STAG1: variants seen among roughly 807,000 people sequenced by gnomAD.
STAG1 encodes the protein STAG1 cohesin complex component.
STAG1 carries 26 observed loss-of-function variants against 170.9 expected under a neutral mutation model. The observed-to-expected ratio is 0.15, with a 90% CI of 0.11 to 0.21. STAG1 has a LOEUF of 0.21. STAG1 is among the 10% of genes least tolerant of loss of function. The pLI, the probability that STAG1 is intolerant of heterozygous loss-of-function variation, is 1.00. For synonymous variants in STAG1, 514 were observed against 497.7 expected, an observed-to-expected ratio of 1.03 and a Z score of -0.44; for missense variants, 964 against 1,509.5, an observed-to-expected ratio of 0.64 and a Z score of 5.99.
At chr3:136,628,827 GATA>G (rs1018766212) in intron 2 of STAG1, among the ~76,000 whole-genome samples, 24 of 152,292 alleles carry the variant, frequency 1.6e-4, no homozygotes, top group Non-Finnish European at 2.8e-4. Flanking sequence ...TGTAGTAAAT[GATA>G]ATGTTTTGAC....
At chr3:136,497,839 A>G (rs1387406940) in intron 9 of STAG1, among the ~76,000 whole-genome samples, 3 of 143,438 alleles carry the variant, frequency 2.1e-5, no homozygotes, top group African/African-American at 7.8e-5. Flanking sequence ...TGGGCAACAG[A>G]GCGAGACTCA....
chr3:136,425,343 T>C (rs1374902455), intron 16 of STAG1, among the ~76,000 whole-genome samples: 1 of 152,116 alleles, frequency 6.6e-6, no homozygotes, highest in Non-Finnish European at 1.5e-5. Flanking sequence ...GTATCTTTGG[T>C]AAAAGATTGG....
intron 22 of STAG1, among the ~76,000 whole-genome samples, chr3:136,385,245 T>A (rs2086840811): frequency 6.6e-6 from 1 of 152,008 alleles, no homozygotes; most frequent in African/African-American, 2.4e-5. Flanking sequence ...GGCCAGGAGA[T>A]CAAGATCAGC....
In STAG1 at chr3:136,422,299, C is replaced by A; in HGVS notation, c.2037+111G>T. The A allele has an allele frequency of 3.0e-6, 3 of 991,750 alleles. No individual in the cohort carries two copies. The South Asian group carries it at 5.0e-5, about 17-fold the overall frequency. 61.4% of individuals were successfully genotyped at this position (991,750 alleles called of 1,614,324 possible). A position where few individuals can be genotyped will look rare whatever the true frequency, so the allele number is the denominator to read the frequency against. On this transcript the variant is annotated intron_variant, in intron 19 of 33. Coordinates refer to ENST00000383202, the MANE Select transcript of STAG1 (RefSeq NM_005862.3). ...TAAGGTTGCTAAGTTTTGGAAGGGGCAGACAATTCTACTCAATTTCATTTT... is the reference window on the plus strand; with the variant it reads ...TAAGGTTGCTAAGTTTTGGAAGGGGAAGACAATTCTACTCAATTTCATTTT...
chr3:136,492,216 C>T (rs1004993595), intron 9 of STAG1, among the ~76,000 whole-genome samples: 2 of 152,142 alleles, frequency 1.3e-5, no homozygotes, highest in African/African-American at 4.8e-5. Context: ...CCAAGTAGGT[C>T]ACATTCTCAA....
At chr3:136,709,485 A>C (rs1010096703) in intron 1 of STAG1, among the ~76,000 whole-genome samples, 4 of 152,054 alleles carry the variant, frequency 2.6e-5, no homozygotes, top group Admixed American at 6.6e-5. Context: ...CTATAATCAC[A>C]GCAATTTGGG....
intron 7 of STAG1, among the ~76,000 whole-genome samples, chr3:136,506,210 A>G (rs1057169764): frequency 1.3e-5 from 2 of 152,198 alleles, no homozygotes; most frequent in Admixed American, 6.6e-5. Context: ...AGAGCTGAAA[A>G]TATTTTGCTC....
chr3:136,357,129 T>C (rs1305533221), intron 28 of STAG1, among the ~76,000 whole-genome samples: 1 of 151,982 alleles, frequency 6.6e-6, no homozygotes, highest in Admixed American at 6.6e-5. Flanking sequence ...TTTGTATTTT[T>C]AGTAGAGACG....
At chr3:136,365,615 C>T (rs1386909944) in intron 25 of STAG1, among the ~76,000 whole-genome samples, 1 of 152,102 alleles carries the variant, frequency 6.6e-6, no homozygotes, top group Admixed American at 6.6e-5. Context: ...GATGGAAAAT[C>T]AGGATGAGGA....
chr3:136,735,409 A>G (rs1934275826), intron 1 of STAG1, among the ~76,000 whole-genome samples: 1 of 150,950 alleles, frequency 6.6e-6, no homozygotes. Flanking sequence ...TACAGGCATG[A>G]GCCACTGTGC....
rs770912332 is a variant in STAG1 at position 136,422,755 on chromosome 3, A to T, written c.1833+13T>A. On this transcript the variant is annotated intron_variant, in intron 18 of 33. Transcript: ENST00000383202. ...ACTATAACAGCTGAATTTCAATTTC[A>T]TAATATCATTACCTTTTCCATTCTA... is the stretch of plus-strand genomic sequence containing the variant. The T allele has an allele frequency of 3.2e-6, 5 of 1,575,240 alleles. No individual in the cohort carries two copies. In the South Asian group the frequency reaches 5.9e-5, roughly 19 times the overall value.
At chr3:136,472,801 A>C (rs1183695223) in intron 11 of STAG1, among the ~76,000 whole-genome samples, 1 of 152,184 alleles carries the variant, frequency 6.6e-6, no homozygotes, top group African/African-American at 2.4e-5. Flanking sequence ...CTTCTTCCAA[A>C]GGTAATAAAT....
At chr3:136,714,941 AT>A (rs1559967491) in intron 1 of STAG1, among the ~76,000 whole-genome samples, 2 of 25,750 alleles carry the variant, frequency 7.8e-5, no homozygotes, top group Non-Finnish European at 1.8e-4. Context: ...TATATTAAAT[AT>A]ATATATATAT....
chr3:136,530,799 G>A (rs1267015114), intron 6 of STAG1, among the ~76,000 whole-genome samples: 1 of 152,112 alleles, frequency 6.6e-6, no homozygotes, highest in African/African-American at 2.4e-5. Flanking sequence ...ATAAACACCT[G>A]CATCAAAAGA....
intron 9 of STAG1, among the ~76,000 whole-genome samples, chr3:136,486,041 C>A (rs1234201405): frequency 6.6e-6 from 1 of 152,080 alleles, no homozygotes; most frequent in Non-Finnish European, 1.5e-5. Context: ...AATACTGCAT[C>A]GGGACCCATT....
chr3:136,452,752 C>G (rs747934808), intron 13 of STAG1, among the ~76,000 whole-genome samples: 1 of 152,074 alleles, frequency 6.6e-6, no homozygotes, highest in South Asian at 2.1e-4. Context: ...CTGCTATTAT[C>G]CTGTATGATT....
chr3:136,730,445 T>C (rs952459910), intron 1 of STAG1, among the ~76,000 whole-genome samples: 2 of 152,144 alleles, frequency 1.3e-5, no homozygotes, highest in Non-Finnish European at 1.5e-5. Context: ...CTATGTAACA[T>C]TGGGAAAAGG....
In STAG1 at chr3:136,336,738, T is replaced by C. The variant is rs565754290; in HGVS notation, c.*1516A>G. On this transcript the variant is annotated 3_prime_UTR_variant, in exon 34 of 34. Transcript: ENST00000383202. ...CTGTACAAATGTTGAGAAAAATGTT[T>C]TGTGTCTTTACTAAAAGGATGAATA... 2.6e-5 allele frequency: 4 copies of C among 152,350 alleles called. No individual in the cohort carries two copies. The East Asian group carries it at 7.7e-4, about 29-fold the overall frequency. 9.4% of individuals were successfully genotyped at this position (152,350 alleles called of 1,614,324 possible).
intron 23 of STAG1, among the ~76,000 whole-genome samples, chr3:136,376,741 G>C (rs528963878): frequency 1.4e-4 from 22 of 152,108 alleles, no homozygotes; most frequent in African/African-American, 4.1e-4. Flanking sequence ...ATGATAAAAG[G>C]GTATGTCATA....
Sources: allele counts gnomAD v4.1 joint callset (sites outside exome capture counted in the v4.1 genomes callset), GRCh38; gene constraint gnomAD v4.1.1; transcripts MANE v1.5; gene names NCBI Gene and HGNC (gene_info 2026-07-23, HGNC 2026-07-21).